Variants in CRBN observed in about 807,000 individuals in gnomAD.
CRBN encodes the protein protein cereblon.
A neutral mutation model predicts 62.2 loss-of-function variants in CRBN; 53 were observed. That is an observed-to-expected ratio of 0.85 (90% CI 0.68 to 1.07). The LOEUF (loss-of-function observed/expected upper bound fraction) is 1.07. Among genes scored for constraint, CRBN ranks in the 50% least tolerant of loss-of-function variants. The probability of loss-of-function intolerance (pLI) is 0.00; values close to 1 mark genes in which losing one functional copy is unlikely to be tolerated. For missense variants in CRBN, 616 were observed against 531.1 expected, an observed-to-expected ratio of 1.16 and a Z score of -1.57; for synonymous variants, 208 against 176.1, an observed-to-expected ratio of 1.18 and a Z score of -1.43.
intron 5 of CRBN, among the ~76,000 whole-genome samples, chr3:3,161,475 G>A (rs533901828): frequency 2.6e-5 from 4 of 152,206 alleles, no homozygotes; most frequent in East Asian, 3.9e-4. Context: ...AAAATAACTC[G>A]CCTCCCGGGT....
intron 1 of CRBN, 117 bp downstream of exon 1, chr3:3,179,504 C>T (rs1219065954): frequency 5.2e-5 from 51 of 990,048 alleles, no homozygotes; most frequent in Non-Finnish European, 7.4e-5. Flanking sequence ...TGCGGCCCTG[C>T]TGGGCTGGCT....
chr3:3,152,619 C>A, intron 9 of CRBN, 32 bp from the exon 10 acceptor site: 1 of 1,613,506 alleles, frequency 6.2e-7, no homozygotes, highest in South Asian at 1.1e-5. Context: ...GAGAACACGT[C>A]AAAACGAGAA....
Position 3,154,746 on chromosome 3 carries a change from C to T in CRBN, c.835+1G>A, listed in dbSNP as rs1226252969. 1 of 1,559,358 alleles carries T rather than the reference C, an allele frequency of 6.4e-7. No individual in the cohort carries two copies. The highest frequency in any genetic ancestry group is 1.7e-4 in the Middle Eastern group (1 of 5,974). Reference sequence around the variant, plus strand: ...CCAGGCAGGAAACTAACTTTTCATACCTATTGGATTTGAAGGAAGAGAATC... The same window carrying T: ...CCAGGCAGGAAACTAACTTTTCATATCTATTGGATTTGAAGGAAGAGAATC... On this transcript the variant is annotated splice_donor_variant, in intron 7 of 10. Coordinates refer to ENST00000231948, the MANE Select transcript of CRBN (RefSeq NM_016302.4). LOFTEE classifies it high-confidence loss of function.
chr3:3,164,030 C>T (rs984334996), intron 5 of CRBN, among the ~76,000 whole-genome samples: 6 of 152,188 alleles, frequency 3.9e-5, no homozygotes, highest in African/African-American at 1.4e-4. Context: ...TGGGGCACCA[C>T]AAACTGCACC....
rs772247724 is a variant in CRBN, at chr3:3,150,838, A to G, written c.*27T>C. The G allele has an allele frequency of 6.4e-7, 1 of 1,560,180 alleles. No homozygotes were observed. On this transcript the variant is annotated 3_prime_UTR_variant, in exon 11 of 11. Transcript: ENST00000231948. ...GATCTTAGAATATAACCAATTTGTT[A>G]GATAACTTTATCTCTATCACATCTG...
rs2126046700 is a variant in CRBN at position 3,150,737 on chromosome 3, A to G, written c.*128T>C. On this transcript the variant is annotated 3_prime_UTR_variant, in exon 11 of 11. Coordinates refer to ENST00000231948, the MANE Select transcript of CRBN (RefSeq NM_016302.4). ...TTTCACTTAGAAACTGCAACCCTCC[A>G]AGTAATGTTATGTTTACTTAGGTAT... is the stretch of plus-strand genomic sequence containing the variant. 1.1e-6 allele frequency: 1 copy of G among 929,866 alleles called. No homozygotes were observed. The highest frequency in any genetic ancestry group is 1.6e-5 in the South Asian group (1 of 60,644). 57.6% of individuals were successfully genotyped at this position (929,866 alleles called of 1,614,324 possible).
chr3:3,151,096 G>C, intron 10 of CRBN, 51 bp from the exon 11 acceptor site: 2 of 1,582,094 alleles, frequency 1.3e-6, no homozygotes, highest in Middle Eastern at 1.7e-4. Context: ...TGTACTCCAA[G>C]CCTATCATAT....
At position 3,150,199 on chromosome 3, in the gene CRBN, A is replaced by C. The variant is rs1706411782; in HGVS notation, c.*666T>G. 1 of 152,304 alleles carries C rather than the reference A, an allele frequency of 6.6e-6. No homozygotes were observed. Among genetic ancestry groups the C allele is most frequent in the Admixed American group, 6.5e-5 (1 of 15,292 alleles). 9.4% of individuals were successfully genotyped at this position (152,304 alleles called of 1,614,324 possible). A position where few individuals can be genotyped will look rare whatever the true frequency, so the allele number is the denominator to read the frequency against. On this transcript the variant is annotated 3_prime_UTR_variant, in exon 11 of 11. Transcript: ENST00000231948. The stretch of plus-strand genomic sequence containing the variant: ...TATGGAACAGTATAAATGGGCTTAT[A>C]GTTCAGATACTGAGCAAATACACAA...
chr3:3,169,579 T>A (rs1010762563), intron 4 of CRBN, among the ~76,000 whole-genome samples: 2 of 152,206 alleles, frequency 1.3e-5, no homozygotes, highest in Non-Finnish European at 2.9e-5. Context: ...AAACTGTGGA[T>A]AATGTACAAT....
Position 3,152,491 on chromosome 3 carries a change from T to C in CRBN, c.1113A>G (p.Ile371Met), listed in dbSNP as rs1352641061. ...AGCTGTGTTCTGTAGAAGGCCGGCCTATCAGATTCAAGTTGCAAGCCTTAT... is the reference window on the plus strand; with the variant it reads ...AGCTGTGTTCTGTAGAAGGCCGGCCCATCAGATTCAAGTTGCAAGCCTTAT... ...TVYKACNLNL[I>M]GRPSTEHSWF... The change falls in exon 10 of 11, where the codon ATA (isoleucine) becomes ATG (methionine). Residue 371 changes from isoleucine to methionine, a missense_variant. Ile to Met is a conservative substitution (Grantham distance 10). Coordinates refer to ENST00000231948, the MANE Select transcript of CRBN (RefSeq NM_016302.4). 6.2e-7 allele frequency: 1 copy of C among 1,613,636 alleles called. No individual in the cohort carries two copies. Among genetic ancestry groups the C allele is most frequent in the Non-Finnish European group, 8.5e-7 (1 of 1,179,844 alleles).
At chr3:3,153,875 C>CAGAGTT in intron 8 of CRBN, 85 bp downstream of exon 8, 1 of 816,352 alleles carries the variant, frequency 1.2e-6, no homozygotes, top group African/African-American at 1.7e-5. Flanking sequence ...GGACTCTATA[C>CAGAGTT]AGAGCTCCAT....
intron 2 of CRBN, among the ~76,000 whole-genome samples, chr3:3,174,881 T>G (rs1375995331): frequency 6.6e-6 from 1 of 152,196 alleles, no homozygotes; most frequent in Non-Finnish European, 1.5e-5. Context: ...AATGTTAGTA[T>G]GTTCAATAAC....
At chr3:3,160,018 G>A (rs976807380) in intron 5 of CRBN, among the ~76,000 whole-genome samples, 9 of 152,176 alleles carry the variant, frequency 5.9e-5, no homozygotes, top group African/African-American at 1.9e-4. Flanking sequence ...AGTGACCAAT[G>A]ACGGATTCTC....
chr3:3,170,515 C>T (rs1356989648), intron 4 of CRBN, among the ~76,000 whole-genome samples: 1 of 152,134 alleles, frequency 6.6e-6, no homozygotes, highest in Non-Finnish European at 1.5e-5. Context: ...TCAGGTCTGT[C>T]GCTTATTTGC....
chr3:3,168,909 G>C (rs1019503960), intron 4 of CRBN, among the ~76,000 whole-genome samples: 1 of 152,116 alleles, frequency 6.6e-6, no homozygotes, highest in Non-Finnish European at 1.5e-5. Flanking sequence ...ATGGTCAAGT[G>C]TTCTTATATT....
At chr3:3,161,438 A>G (rs376610887) in intron 5 of CRBN, among the ~76,000 whole-genome samples, 112 of 152,342 alleles carry the variant, frequency 7.4e-4, no homozygotes, top group Non-Finnish European at 1.2e-3. Flanking sequence ...AACAATAAAA[A>G]TAAGTACAAA....
chr3:3,175,260 T>C lies in CRBN; in HGVS notation c.77A>G (p.Glu26Gly). ...TTCAACTTCCATTTCATCTTCTTCC[T>C]CACTCTCTGCTATAAAAGTAGAATA... ...NHLPLLPAES[E>G]EEDEMEVEDQ... Residue 26 changes from glutamate to glycine, a missense_variant, in exon 2 of 11, where the codon GAG becomes GGG. Transcript: ENST00000231948. 6.2e-7 allele frequency: 1 copy of C among 1,601,324 alleles called. No homozygotes were observed.
At chr3:3,176,627 T>C (rs2126070383) in intron 1 of CRBN, among the ~76,000 whole-genome samples, 1 of 152,092 alleles carries the variant, frequency 6.6e-6, no homozygotes, top group South Asian at 2.1e-4. Flanking sequence ...TCCCAGCTAC[T>C]GGGGAGGCTG....
chr3:3,161,332 A>C (rs1293540973), intron 5 of CRBN, among the ~76,000 whole-genome samples: 1 of 152,158 alleles, frequency 6.6e-6, no homozygotes, highest in Non-Finnish European at 1.5e-5. Context: ...CCTTGCTCTC[A>C]GAGAAATTCA....
Sources: allele counts gnomAD v4.1 joint callset (sites outside exome capture counted in the v4.1 genomes callset), GRCh38; gene constraint gnomAD v4.1.1; transcripts MANE v1.5; gene names NCBI Gene and HGNC (gene_info 2026-07-23, HGNC 2026-07-21).